The following PRKAG2 variants were observed in gnomAD, a reference collection of about 807,000 sequenced individuals.
PRKAG2 encodes the protein protein kinase AMP-activated non-catalytic subunit gamma 2, also known as 5'-AMP-activated protein kinase subunit gamma-2.
PRKAG2 carries 26 observed loss-of-function variants against 69.6 expected under a neutral mutation model. The ratio of observed to expected loss-of-function variants is 0.37; its 90% confidence interval spans 0.27 to 0.52. The LOEUF (loss-of-function observed/expected upper bound fraction) is 0.52, where lower values mean the gene tolerates loss of function less well. Among genes scored for constraint, PRKAG2 ranks in the 20% least tolerant of loss-of-function variants. The probability of loss-of-function intolerance (pLI) is 0.90; values close to 1 mark genes in which losing one functional copy is unlikely to be tolerated. For synonymous variants in PRKAG2, 293 were observed against 285.0 expected (o/e 1.03, Z -0.28); for missense variants, 557 against 740.0 (o/e 0.75, Z 2.87).
intron 1 of PRKAG2, among the ~76,000 whole-genome samples, chr7:151,844,774 C>T (rs925321529): frequency 6.6e-6 from 1 of 152,130 alleles, no homozygotes; most frequent in Non-Finnish European, 1.5e-5. Context: ...CTCTTAAAGC[C>T]CCGTGTCTAA....
At chr7:151,565,583 G>C in intron 12 of PRKAG2, 137 bp downstream of exon 12, 1 of 1,221,130 alleles carries the variant, frequency 8.2e-7, no homozygotes, top group Non-Finnish European at 1.2e-6. Flanking sequence ...ACGATCCTGC[G>C]TGCCCCTTGG....
chr7:151,729,358 C>T (rs565000015), intron 3 of PRKAG2, among the ~76,000 whole-genome samples: 1 of 148,126 alleles, frequency 6.8e-6, no homozygotes, highest in African/African-American at 2.5e-5. Flanking sequence ...TCCAGCAGAA[C>T]AATGGGCACC....
intron 3 of PRKAG2, chr7:151,736,047 A>G: frequency 6.5e-7 from 1 of 1,534,736 alleles, no homozygotes; most frequent in Non-Finnish European, 8.7e-7. Context: ...GACCCACAGA[A>G]CCGGTGTCAG....
chr7:151,735,196 T>G (rs572916306), intron 3 of PRKAG2, among the ~76,000 whole-genome samples: 41 of 152,066 alleles, frequency 2.7e-4, no homozygotes, highest in African/African-American at 9.9e-4. Context: ...TAATTTTGAG[T>G]GGGCAGGTCT....
chr7:151,631,404 T>C (rs891977379), intron 5 of PRKAG2, among the ~76,000 whole-genome samples: 3 of 152,124 alleles, frequency 2.0e-5, no homozygotes, highest in African/African-American at 7.2e-5. Context: ...AAATATTAAT[T>C]TTGCCAAAGA....
At chr7:151,624,525 A>G (rs1461310751) in intron 5 of PRKAG2, among the ~76,000 whole-genome samples, 2 of 152,010 alleles carry the variant, frequency 1.3e-5, no homozygotes, top group African/African-American at 2.4e-5. Context: ...CCTTCCCCCA[A>G]AATCGCTCTT....
chr7:151,694,002 G>C (rs1328520565), intron 3 of PRKAG2, among the ~76,000 whole-genome samples: 2 of 152,150 alleles, frequency 1.3e-5, no homozygotes, highest in African/African-American at 2.4e-5. Context: ...CTCCTGAGCA[G>C]CTGGGATTAC....
At chr7:151,607,988 G>A (rs1817901394) in intron 5 of PRKAG2, among the ~76,000 whole-genome samples, 1 of 152,120 alleles carries the variant, frequency 6.6e-6, no homozygotes, top group Non-Finnish European at 1.5e-5. Flanking sequence ...CCCGGATTAG[G>A]GTGGGCCCTA....
intron 1 of PRKAG2, among the ~76,000 whole-genome samples, chr7:151,838,717 A>C (rs1341489729): frequency 6.6e-6 from 1 of 151,346 alleles, no homozygotes; most frequent in East Asian, 1.9e-4. Flanking sequence ...AAAAAAAAAA[A>C]AAAAAAAGTA....
intron 2 of PRKAG2, among the ~76,000 whole-genome samples, chr7:151,784,689 C>T (rs900536273): frequency 2.0e-5 from 3 of 152,150 alleles, no homozygotes; most frequent in Non-Finnish European, 4.4e-5. Flanking sequence ...TCATGAAAGG[C>T]CAGTTTAACC....
At chr7:151,737,944 G>T (rs2073573877) in intron 3 of PRKAG2, among the ~76,000 whole-genome samples, 1 of 140,682 alleles carries the variant, frequency 7.1e-6, no homozygotes, top group African/African-American at 2.7e-5. Flanking sequence ...ACTCCCACGG[G>T]GCCTCCATCC....
intron 1 of PRKAG2, among the ~76,000 whole-genome samples, chr7:151,856,493 G>A (rs565167207): frequency 9.8e-5 from 15 of 152,338 alleles, no homozygotes; most frequent in African/African-American, 2.6e-4. Context: ...GGAAGGGCGT[G>A]GATTTTGGAG....
At chr7:151,846,671 C>T (rs755990467) in intron 1 of PRKAG2, among the ~76,000 whole-genome samples, 4 of 152,008 alleles carry the variant, frequency 2.6e-5, no homozygotes, top group Non-Finnish European at 5.9e-5. Flanking sequence ...GGTGTGTATG[C>T]GTGTGCATGT....
chr7:151,876,364 C>T (rs546148053), intron 1 of PRKAG2, 143 bp downstream of exon 1: 8 of 805,886 alleles, frequency 9.9e-6, no homozygotes, highest in African/African-American at 1.7e-5. Flanking sequence ...CGGGCCCTGT[C>T]CCTCTACCCT....
chr7:151,745,162 T>C (rs572350138), intron 3 of PRKAG2, among the ~76,000 whole-genome samples: 1 of 152,308 alleles, frequency 6.6e-6, no homozygotes, highest in South Asian at 2.1e-4. Flanking sequence ...CCGCTCATCC[T>C]GAACCTTTGC....
intron 5 of PRKAG2, among the ~76,000 whole-genome samples, chr7:151,623,988 A>C (rs1822190862): frequency 6.6e-6 from 1 of 152,136 alleles, no homozygotes; most frequent in African/African-American, 2.4e-5. Context: ...ATAAAATAAC[A>C]ACTTATTGCT....
At chr7:151,690,573 C>A (rs187839742) in intron 3 of PRKAG2, among the ~76,000 whole-genome samples, 1 of 152,222 alleles carries the variant, frequency 6.6e-6, no homozygotes, top group African/African-American at 2.4e-5. Context: ...GACCAGGGTT[C>A]CCGGATTCAA....
chr7:151,862,939 G>A (rs1461029159), intron 1 of PRKAG2, among the ~76,000 whole-genome samples: 1 of 151,318 alleles, frequency 6.6e-6, no homozygotes, highest in African/African-American at 2.4e-5. Flanking sequence ...TAGGCCTCTG[G>A]GTGCAGGGAG....
chr7:151,842,408 ATGGTAGTGATGGTAGGTGGGG>A (rs2079325024), intron 1 of PRKAG2, among the ~76,000 whole-genome samples: 3 of 125,324 alleles, frequency 2.4e-5, no homozygotes, highest in Non-Finnish European at 3.3e-5. Flanking sequence ...GTAGGTGGGG[ATGGTAGTGATGGTAGGTGGGG>A]ATGGTAGTGA....
Sources: allele counts gnomAD v4.1 joint callset (sites outside exome capture counted in the v4.1 genomes callset), GRCh38; gene constraint gnomAD v4.1.1; transcripts MANE v1.5; gene names NCBI Gene and HGNC (gene_info 2026-07-23, HGNC 2026-07-21).